The following RAC1 variants were observed in gnomAD, a reference collection of about 807,000 sequenced individuals.
The protein encoded by RAC1 is Rac family small GTPase 1, also known as ras-related C3 botulinum toxin substrate 1.
Under a neutral mutation model 25.2 loss-of-function variants are expected in RAC1, and 2 were observed. The observed-to-expected ratio is 0.08, with a 90% confidence interval of 0.03 to 0.25. RAC1 has a LOEUF of 0.25. RAC1 is among the 10% of genes least tolerant of loss of function. RAC1 has a pLI of 1.00. For missense variants in RAC1, 50 were observed against 235.7 expected (o/e 0.21, Z 5.16); for synonymous variants, 88 against 94.0 (o/e 0.94, Z 0.37).
chr7:6,391,803 G>C, intron 2 of RAC1, 121 bp from the exon 3 acceptor site: 2 of 1,480,242 alleles, frequency 1.4e-6, no homozygotes, highest in Non-Finnish European at 9.1e-7. Flanking sequence ...AGGGACATTT[G>C]CTGGTGTGGC....
chr7:6,397,523 G>A (rs1467460986), intron 3 of RAC1, among the ~76,000 whole-genome samples: 1 of 152,032 alleles, frequency 6.6e-6, no homozygotes, highest in Non-Finnish European at 1.5e-5. Flanking sequence ...TTGAACTCCT[G>A]ACCTCGTGAT....
At chr7:6,396,433 G>C (rs1397215868) in intron 3 of RAC1, among the ~76,000 whole-genome samples, 1 of 152,174 alleles carries the variant, frequency 6.6e-6, no homozygotes, top group African/African-American at 2.4e-5. Flanking sequence ...GGACGAAGAA[G>C]GAACAAGGAA....
intron 1 of RAC1, among the ~76,000 whole-genome samples, chr7:6,375,670 CTT>C (rs561981460): frequency 2.8e-5 from 4 of 144,902 alleles, no homozygotes. Flanking sequence ...TTCTTTCTTT[CTT>C]TTTTTTTTTT....
chr7:6,403,430 CTG>C lies in RAC1; in HGVS notation c.*985_*986del, dbSNP rs1172055805. ...GCTTTTCTTATAGAACCCCTTCTGA[CTG>C]AGCAATATGCCTCCTTGTATTATAA... On this transcript the variant is annotated 3_prime_UTR_variant, in exon 6 of 6. Transcript: ENST00000348035. 4.7e-6 allele frequency: 1 copy of C among 214,712 alleles called. No individual in the cohort carries two copies. Among genetic ancestry groups the C allele is most frequent in the Non-Finnish European group, 9.4e-6 (1 of 106,322 alleles). The allele number at this position is 214,712 out of a possible 1,614,324, so 13.3% of individuals were successfully genotyped here.
chr7:6,399,145 C>G (rs963780394), intron 3 of RAC1, among the ~76,000 whole-genome samples: 1 of 152,170 alleles, frequency 6.6e-6, no homozygotes, highest in African/African-American at 2.4e-5. Flanking sequence ...GCTAACCCCA[C>G]CGTGCTTGAG....
chr7:6,387,321 A>T (rs2115193328), intron 2 of RAC1, 38 bp downstream of exon 2: 1 of 1,376,082 alleles, frequency 7.3e-7, no homozygotes, highest in South Asian at 1.3e-5. Context: ...TGTTTGTGTT[A>T]CGGGTTTCAC....
intron 1 of RAC1, among the ~76,000 whole-genome samples, chr7:6,378,380 T>C (rs1782664800): frequency 6.6e-6 from 1 of 151,874 alleles, no homozygotes; most frequent in Non-Finnish European, 1.5e-5. Context: ...ACCCTGTCTC[T>C]ACTAAAAGTA....
intron 4 of RAC1, among the ~76,000 whole-genome samples, chr7:6,401,033 T>C (rs1294468250): frequency 6.6e-6 from 1 of 152,080 alleles, no homozygotes; most frequent in Non-Finnish European, 1.5e-5. Flanking sequence ...CTTGGGTCAC[T>C]GCAACCTCCC....
At chr7:6,399,903 C>G (rs1249152353) in intron 3 of RAC1, 1 of 572,798 alleles carries the variant, frequency 1.7e-6, no homozygotes. Flanking sequence ...ATCATTCTCC[C>G]TTCATGCTCC....
intron 1 of RAC1, among the ~76,000 whole-genome samples, chr7:6,386,788 CAAAAAAAAAA>C (rs71008388): frequency 3.4e-5 from 3 of 88,198 alleles, no homozygotes; most frequent in Admixed American, 1.2e-4. Context: ...GACTCGGTCT[CAAAAAAAAAA>C]AAAAAAGAAA....
At chr7:6,392,593 T>C (rs1234317703) in intron 3 of RAC1, among the ~76,000 whole-genome samples, 2 of 152,368 alleles carry the variant, frequency 1.3e-5, no homozygotes, top group African/African-American at 4.8e-5. Flanking sequence ...TTACTTTTGC[T>C]TCTGTATCAG....
chr7:6,387,148 T>A, intron 1 of RAC1, 64 bp from the exon 2 acceptor site: 1 of 1,043,696 alleles, frequency 9.6e-7, no homozygotes, highest in African/African-American at 1.6e-5. Context: ...TTATTTTAAC[T>A]TAATAGTGAA....
intron 2 of RAC1, among the ~76,000 whole-genome samples, chr7:6,388,062 G>A (rs565277752): frequency 1.3e-5 from 2 of 152,242 alleles, no homozygotes; most frequent in East Asian, 3.9e-4. Flanking sequence ...TGTGTGTGTT[G>A]AAGGGGGAAT....
At chr7:6,386,000 C>A (rs980864829) in intron 1 of RAC1, among the ~76,000 whole-genome samples, 9 of 152,234 alleles carry the variant, frequency 5.9e-5, no homozygotes, top group Non-Finnish European at 1.0e-4. Flanking sequence ...GATGTGGTGA[C>A]CTTAGTTATT....
At chr7:6,391,881 A>G (rs745973495) in intron 2 of RAC1, 43 bp from the exon 3 acceptor site, 44 of 1,613,418 alleles carry the variant, frequency 2.7e-5, no homozygotes, top group Non-Finnish European at 3.6e-5. Flanking sequence ...ACAGTGACTT[A>G]GCTTCTACAC....
chr7:6,384,915 C>G (rs1003567966), intron 1 of RAC1, among the ~76,000 whole-genome samples: 3 of 152,140 alleles, frequency 2.0e-5, no homozygotes, highest in African/African-American at 7.2e-5. Context: ...AAGTGATCCT[C>G]GTGCCTCAGC....
Position 6,401,828 on chromosome 7 carries a change from A to G in RAC1, c.289-40A>G, listed in dbSNP as rs372228902. The G allele has an allele frequency of 1.7e-5, 27 of 1,587,524 alleles. No homozygotes were observed. The African/African-American group carries it at 3.4e-4, about 20-fold the overall frequency. On this transcript the variant is annotated intron_variant, in intron 4 of 5. Transcript: ENST00000348035. ...GTGATTTAGGTGAAGGACATCTGTA[A>G]AGGAGCGTGTCACAACCTCTGTTCC... is the stretch of plus-strand genomic sequence containing the variant.
intron 1 of RAC1, among the ~76,000 whole-genome samples, chr7:6,378,418 C>T (rs1331323464): frequency 1.3e-5 from 2 of 151,782 alleles, no homozygotes; most frequent in Non-Finnish European, 2.9e-5. Context: ...TGGTGGTGGG[C>T]GCCTGTAATC....
chr7:6,380,299 G>A (rs1003153217), intron 1 of RAC1, among the ~76,000 whole-genome samples: 2 of 152,124 alleles, frequency 1.3e-5, no homozygotes, highest in Admixed American at 1.3e-4. Context: ...TGTAGGTGTA[G>A]TATATGGCTC....
Sources: allele counts gnomAD v4.1 joint callset (sites outside exome capture counted in the v4.1 genomes callset), GRCh38; gene constraint gnomAD v4.1.1; transcripts MANE v1.5; gene names NCBI Gene and HGNC (gene_info 2026-07-23, HGNC 2026-07-21).